ZNF33A: variants seen among roughly 807,000 people sequenced by gnomAD.
The protein encoded by ZNF33A is brain my041 protein.
In ZNF33A, 9 loss-of-function variants were observed where a neutral mutation model predicts 15.9. The ratio of observed to expected loss-of-function variants is 0.57; its 90% CI spans 0.34 to 0.99. The LOEUF is 0.99. ZNF33A is among the 50% of genes least tolerant of loss of function. ZNF33A has a pLI of 0.02. For synonymous variants in ZNF33A, 294 were observed against 324.2 expected, an observed-to-expected ratio of 0.91 and a Z score of 1.00; for missense variants, 843 against 941.6, an observed-to-expected ratio of 0.90 and a Z score of 1.37.
At chr10:38,012,500 C>G in intron 2 of ZNF33A, 150 bp downstream of exon 2, 1 of 935,140 alleles carries the variant, frequency 1.1e-6, no homozygotes, top group Non-Finnish European at 1.6e-6. Context: ...GTCCCCATCT[C>G]GGTTCACTGC....
intron 4 of ZNF33A, among the ~76,000 whole-genome samples, chr10:38,044,607 T>C (rs959658483): frequency 1.2e-4 from 18 of 152,210 alleles, no homozygotes; most frequent in African/African-American, 4.3e-4. Context: ...CTTATTGATA[T>C]TTTCTGTTTG....
At position 38,054,903 on chromosome 10, in the gene ZNF33A, C is replaced by T. The variant is rs762104203; in HGVS notation, c.779C>T (p.Ser260Leu). The T allele has an allele frequency of 4.3e-6, 7 of 1,613,678 alleles. No individual in the cohort carries two copies. The highest frequency in any genetic ancestry group is 5.9e-6 in the Non-Finnish European group (7 of 1,179,984). Residue 260 changes from serine to leucine, a missense_variant, in exon 5 of 5, where the codon TCA becomes TTA. Physicochemically the swap from Ser to Leu is moderately radical, Grantham distance 145. Coordinates refer to ENST00000432900, the MANE Select transcript of ZNF33A (RefSeq NM_006954.2). Reference protein sequence around the residue: ...NEFGRTLCDSSSLLFHQISPS... With the variant: ...NEFGRTLCDSLSLLFHQISPS... ...TTTGGGAGAACTTTGTGTGATAGTTCATCCCTCTTGTTCCATCAGATATCT... is the reference window on the plus strand; with the variant it reads ...TTTGGGAGAACTTTGTGTGATAGTTTATCCCTCTTGTTCCATCAGATATCT...
chr10:38,025,201 A>G (rs2064932188), intron 4 of ZNF33A, among the ~76,000 whole-genome samples: 1 of 152,230 alleles, frequency 6.6e-6, no homozygotes, highest in Non-Finnish European at 1.5e-5. Flanking sequence ...TACTGTATGT[A>G]TATATTAATA....
At chr10:38,016,837 CT>C in intron 2 of ZNF33A, 33 bp from the exon 3 acceptor site, 1 of 1,608,848 alleles carries the variant, frequency 6.2e-7, no homozygotes, top group Non-Finnish European at 8.5e-7. Flanking sequence ...GCCCATACTT[CT>C]TTTTTCATGC....
In ZNF33A at chr10:38,056,705, T is replaced by A; in HGVS notation, c.*145T>A. ...AATACGGGCATAACACCTTACAGAT[T>A]TTTTTTGAATTTGTGAAAGTTTTTG... On this transcript the variant is annotated 3_prime_UTR_variant, in exon 5 of 5. Coordinates refer to ENST00000432900, the MANE Select transcript of ZNF33A (RefSeq NM_006954.2). 8.0e-7 allele frequency: 1 copy of A among 1,253,088 alleles called. No homozygotes were observed. The highest frequency in any genetic ancestry group is 1.0e-6 in the Non-Finnish European group (1 of 998,588). 77.6% of individuals were successfully genotyped at this position (1,253,088 alleles called of 1,614,324 possible).
At chr10:38,010,596 T>G (rs1268478246), upstream of ZNF33A, 6 of 1,031,258 alleles carry the variant, frequency 5.8e-6, no homozygotes, top group Admixed American at 1.7e-5. Flanking sequence ...ACGGGAAAGG[T>G]AGTTTCCAGG....
Position 38,027,950 on chromosome 10 carries a change from G to T in ZNF33A, c.250+10564G>T, listed in dbSNP as rs117603526. On this transcript the variant is annotated intron_variant, in intron 4 of 4. Coordinates refer to ENST00000432900, the MANE Select transcript of ZNF33A (RefSeq NM_006954.2). Reference sequence around the variant, plus strand: ...ATTTGTGTCTTTGGATCTAAAGTCAGTTTGTTTTGGACAATGTGTAGTTTG... The same window carrying T: ...ATTTGTGTCTTTGGATCTAAAGTCATTTTGTTTTGGACAATGTGTAGTTTG... 6.5e-3 allele frequency among the ~76,000 whole-genome samples: 989 copies of T among 152,160 alleles called. 12 individuals carry two copies. The highest frequency in any genetic ancestry group is 0.054 in the South Asian group (261 of 4,814).
At chr10:38,034,204 C>A (rs2065340482) in intron 4 of ZNF33A, among the ~76,000 whole-genome samples, 1 of 152,192 alleles carries the variant, frequency 6.6e-6, no homozygotes, top group African/African-American at 2.4e-5. Flanking sequence ...AACATTGGTA[C>A]ATGATTATTG....
upstream of ZNF33A, chr10:38,010,614 C>T (rs375871447): frequency 8.1e-6 from 10 of 1,240,474 alleles, no homozygotes; most frequent in African/African-American, 7.3e-5. Context: ...AGGTAGGGCG[C>T]CAACAGCATC....
downstream of ZNF33A, among the ~76,000 whole-genome samples, chr10:38,063,935 G>A (rs1176148474): frequency 1.3e-5 from 2 of 152,196 alleles, no homozygotes; most frequent in African/African-American, 2.4e-5. Context: ...TTAGGATTCA[G>A]CAAAGGTATC....
chr10:38,016,648 A>T (rs2064462543), intron 2 of ZNF33A, among the ~76,000 whole-genome samples: 1 of 152,184 alleles, frequency 6.6e-6, no homozygotes, highest in Non-Finnish European at 1.5e-5. Context: ...GATTTTTATT[A>T]ATCTTAGTAT....
downstream of ZNF33A, chr10:38,064,136 GA>G (rs1478794506): frequency 1.9e-6 from 3 of 1,594,564 alleles, no homozygotes; most frequent in Admixed American, 5.0e-5. Flanking sequence ...AGTGCTGGAA[GA>G]AGAGGACTCT....
At chr10:38,025,115 T>G (rs2064928027) in intron 4 of ZNF33A, among the ~76,000 whole-genome samples, 1 of 152,260 alleles carries the variant, frequency 6.6e-6, no homozygotes, top group Admixed American at 6.5e-5. Flanking sequence ...ATAGTATTTA[T>G]AGGGCTCAAT....
chr10:38,062,048 T>C (rs571088029), downstream of ZNF33A, among the ~76,000 whole-genome samples: 2 of 152,142 alleles, frequency 1.3e-5, no homozygotes, highest in South Asian at 2.1e-4. Flanking sequence ...GGTAAGGTCA[T>C]GAGAGCTCTA....
chr10:38,029,376 T>C (rs1313812929), intron 4 of ZNF33A, among the ~76,000 whole-genome samples: 1 of 152,226 alleles, frequency 6.6e-6, no homozygotes, highest in Non-Finnish European at 1.5e-5. Flanking sequence ...GTCATCCATC[T>C]GTCTTCAGGC....
chr10:38,032,195 G>C (rs1356030150), intron 4 of ZNF33A, among the ~76,000 whole-genome samples: 1 of 151,970 alleles, frequency 6.6e-6, no homozygotes, highest in African/African-American at 2.4e-5. Context: ...ATCTGTACAA[G>C]CAAAAGTAAA....
chr10:38,045,743 C>G (rs972351975), intron 4 of ZNF33A, among the ~76,000 whole-genome samples: 1 of 152,136 alleles, frequency 6.6e-6, no homozygotes, highest in African/African-American at 2.4e-5. Context: ...AACTGCCACC[C>G]TCTTCTTAAT....
chr10:38,035,623 A>C (rs886108849), intron 4 of ZNF33A, among the ~76,000 whole-genome samples: 1 of 152,174 alleles, frequency 6.6e-6, no homozygotes, highest in Non-Finnish European at 1.5e-5. Flanking sequence ...GGGGTCCTTC[A>C]TTGATACTAT....
chr10:38,043,403 C>T (rs868480272), intron 4 of ZNF33A, among the ~76,000 whole-genome samples: 5 of 151,056 alleles, frequency 3.3e-5, no homozygotes, highest in Admixed American at 2.6e-4. Flanking sequence ...TGCTAAATGA[C>T]GAGTTAATGG....
Sources: allele counts gnomAD v4.1 joint callset (sites outside exome capture counted in the v4.1 genomes callset), GRCh38; gene constraint gnomAD v4.1.1; transcripts MANE v1.5; gene names NCBI Gene and HGNC (gene_info 2026-07-23, HGNC 2026-07-21).